The following SLC38A1 variants were observed in gnomAD, a reference collection of about 807,000 sequenced individuals.
SLC38A1 encodes solute carrier family 38 member 1.
SLC38A1 carries 18 observed loss-of-function variants against 60.3 expected under a neutral mutation model. That is an observed-to-expected ratio of 0.30 (90% CI 0.21 to 0.44). The LOEUF (loss-of-function observed/expected upper bound fraction) is 0.44. Among genes scored for constraint, SLC38A1 ranks in the 20% least tolerant of loss-of-function variants. SLC38A1 has a pLI of 1.00. For missense variants in SLC38A1, 448 were observed against 587.2 expected (o/e 0.76, Z 2.45); for synonymous variants, 196 against 212.1 (o/e 0.92, Z 0.66).
chr12:46,202,017 A>T (rs1416329187), intron 12 of SLC38A1, among the ~76,000 whole-genome samples: 2 of 151,452 alleles, frequency 1.3e-5, no homozygotes, highest in Non-Finnish European at 2.9e-5. Context: ...ACATGGTGAA[A>T]CTCTGTGTCT....
intron 1 of SLC38A1, among the ~76,000 whole-genome samples, chr12:46,259,299 G>A (rs931567445): frequency 2.0e-5 from 3 of 152,136 alleles, no homozygotes; most frequent in African/African-American, 7.2e-5. Context: ...ATAGATGATA[G>A]TGATAAGGAT....
chr12:46,201,671 T>C (rs1939665312), intron 12 of SLC38A1, among the ~76,000 whole-genome samples: 1 of 151,914 alleles, frequency 6.6e-6, no homozygotes, highest in African/African-American at 2.4e-5. Flanking sequence ...TGGAAGTCTG[T>C]AGGTCTCCAG....
At chr12:46,238,373 T>C (rs1941329675) in intron 3 of SLC38A1, among the ~76,000 whole-genome samples, 1 of 152,258 alleles carries the variant, frequency 6.6e-6, no homozygotes, top group South Asian at 2.1e-4. Flanking sequence ...TAATAAATGA[T>C]GGTAGCTAAA....
intron 1 of SLC38A1, among the ~76,000 whole-genome samples, chr12:46,249,240 G>A (rs1437915787): frequency 6.6e-6 from 1 of 151,808 alleles, no homozygotes; most frequent in Non-Finnish European, 1.5e-5. Flanking sequence ...TGACTACTGG[G>A]TAAATAACAA....
intron 12 of SLC38A1, among the ~76,000 whole-genome samples, chr12:46,202,191 CAA>C (rs766799734): frequency 1.6e-4 from 11 of 68,584 alleles, no homozygotes; most frequent in Non-Finnish European, 2.5e-4. Context: ...GACTCTGTCT[CAA>C]AAAAAAAAAA....
intron 5 of SLC38A1, among the ~76,000 whole-genome samples, chr12:46,225,801 C>A (rs895785936): frequency 6.6e-6 from 1 of 151,980 alleles, no homozygotes. Context: ...TGAAAGACCC[C>A]AAAACAAACA....
intron 6 of SLC38A1, among the ~76,000 whole-genome samples, chr12:46,208,711 T>C (rs1940018147): frequency 6.6e-6 from 1 of 152,156 alleles, no homozygotes. Context: ...ACCTTGGAAG[T>C]TATAATATAA....
chr12:46,215,558 C>T (rs1299936046), intron 5 of SLC38A1, among the ~76,000 whole-genome samples: 1 of 152,140 alleles, frequency 6.6e-6, no homozygotes, highest in Non-Finnish European at 1.5e-5. Flanking sequence ...CAGGTGCATG[C>T]CACCACACCC....
intron 4 of SLC38A1, 122 bp from the exon 5 acceptor site, chr12:46,229,390 T>C (rs1192430815): frequency 2.5e-6 from 2 of 796,950 alleles, no homozygotes; most frequent in Non-Finnish European, 2.0e-6. Context: ...AATCCATTCT[T>C]AGTTATCTAG....
intron 5 of SLC38A1, among the ~76,000 whole-genome samples, chr12:46,213,508 C>T (rs775783308): frequency 1.3e-5 from 2 of 152,232 alleles, no homozygotes; most frequent in Non-Finnish European, 2.9e-5. Context: ...TTGAATAGAA[C>T]AAGACCATCT....
chr12:46,220,998 T>C (rs1940636132), intron 5 of SLC38A1, among the ~76,000 whole-genome samples: 1 of 152,160 alleles, frequency 6.6e-6, no homozygotes, highest in African/African-American at 2.4e-5. Context: ...TAGGCTCAAT[T>C]GTAAAACACT....
intron 9 of SLC38A1, among the ~76,000 whole-genome samples, 178 bp from the exon 10 acceptor site, chr12:46,204,768 T>C (rs1235297630): frequency 6.6e-6 from 1 of 152,154 alleles, no homozygotes. Context: ...GAATACAAGA[T>C]TTATTATTTG....
chr12:46,246,217 G>T (rs1348064956), intron 1 of SLC38A1, among the ~76,000 whole-genome samples: 1 of 152,220 alleles, frequency 6.6e-6, no homozygotes, highest in Non-Finnish European at 1.5e-5. Flanking sequence ...CCTCACTCAG[G>T]AAGTGCAAGG....
intron 16 of SLC38A1, among the ~76,000 whole-genome samples, chr12:46,190,983 T>C (rs1939121851): frequency 6.6e-6 from 1 of 152,216 alleles, no homozygotes; most frequent in African/African-American, 2.4e-5. Context: ...TTGCTTTTTG[T>C]GTTTTAATCA....
rs530425082 is a variant in SLC38A1 at position 46,212,688 on chromosome 12, T to C, written c.315-3561A>G. ...TGAGAAGAAACTTAGAATTCTAGAC[T>C]CCTGAAGCAGGGAGAGACTTTCAGA... is the stretch of plus-strand genomic sequence containing the variant. On this transcript the variant is annotated intron_variant, in intron 5 of 16. Coordinates refer to ENST00000398637, the MANE Select transcript of SLC38A1 (RefSeq NM_030674.4). Among the ~76,000 whole-genome samples, 7 of 152,280 alleles carry C rather than the reference T, an allele frequency of 4.6e-5. No individual in the cohort carries two copies. The East Asian group carries it at 1.3e-3, about 29-fold the overall frequency.
At chr12:46,206,915 T>C (rs1371989616) in intron 8 of SLC38A1, among the ~76,000 whole-genome samples, 2 of 152,204 alleles carry the variant, frequency 1.3e-5, no homozygotes, top group East Asian at 1.9e-4. Context: ...CTGGGGAAAA[T>C]GCAGTATCTA....
intron 5 of SLC38A1, among the ~76,000 whole-genome samples, chr12:46,216,996 CT>C (rs1202202049): frequency 6.6e-6 from 1 of 152,088 alleles, no homozygotes; most frequent in African/African-American, 2.4e-5. Flanking sequence ...TCAAAATGAT[CT>C]TTTATATGAA....
Position 46,198,729 on chromosome 12 carries a change from C to T in SLC38A1, c.1018G>A (p.Asp340Asn), listed in dbSNP as rs1288772841. Reference sequence around the variant, plus strand: ...TTACTCTGATATTTGTGAAGGAGGTCGGACTGCACGTTGTCTAAAATGAGG... The same window carrying T: ...TTACTCTGATATTTGTGAAGGAGGTTGGACTGCACGTTGTCTAAAATGAGG... The part of the protein sequence containing the change: ...YLTFYDNVQS[D>N]LLHKYQSKDD... The change falls in exon 14 of 17, where the codon GAC becomes AAC. Residue 340 changes from aspartate to asparagine, a missense_variant. By Grantham distance (23) the Asp-to-Asn change is conservative. Coordinates refer to ENST00000398637, the MANE Select transcript of SLC38A1 (RefSeq NM_030674.4). The T allele has an allele frequency of 5.6e-6, 9 of 1,607,524 alleles. No homozygotes were observed. Among genetic ancestry groups the T allele is most frequent in the Admixed American group, 1.7e-5 (1 of 58,742 alleles).
At chr12:46,267,571 G>A (rs1158269463) in intron 1 of SLC38A1, 1 of 152,446 alleles carries the variant, frequency 6.6e-6, no homozygotes, top group African/African-American at 2.4e-5. Flanking sequence ...TAACCTACTG[G>A]GTCCCAGTGG....
Sources: gnomAD v4.1 joint callset for allele counts (sites outside exome capture counted in the v4.1 genomes callset) on GRCh38, gnomAD v4.1.1 for gene constraint, MANE v1.5 for transcripts, NCBI Gene and HGNC (gene_info 2026-07-23, HGNC 2026-07-21) for gene names.